The following MEIOSIN variants were observed in gnomAD, a reference collection of about 807,000 sequenced individuals.
MEIOSIN encodes the protein meiosis initiator protein.
Under a neutral mutation model 23.4 loss-of-function variants are expected in MEIOSIN, and 18 were observed. The observed-to-expected ratio is 0.77, with a 90% CI of 0.53 to 1.14. The LOEUF is 1.14. MEIOSIN is among the 50% of genes most tolerant of loss of function. The pLI, the probability that MEIOSIN is intolerant of heterozygous loss-of-function variation, is 0.00. For missense variants in MEIOSIN, 428 were observed against 242.9 expected (o/e 1.76, Z -5.07); for synonymous variants, 187 against 100.6 (o/e 1.86, Z -5.14).
At chr19:45,752,041 T>G (rs1461864778) in intron 5 of MEIOSIN, among the ~76,000 whole-genome samples, 2 of 146,306 alleles carry the variant, frequency 1.4e-5, no homozygotes, top group East Asian at 2.0e-4. Flanking sequence ...CCGTTTTTTT[T>G]TTTTTTTTTT....
At chr19:45,757,989 G>C (rs4802277) in intron 9 of MEIOSIN, among the ~76,000 whole-genome samples, 2 of 151,330 alleles carry the variant, frequency 1.3e-5, no homozygotes, top group African/African-American at 4.9e-5. Context: ...CCCTGCTCCC[G>C]ACCTCAGAAT....
At chr19:45,740,376 C>T (rs1968480665) in intron 3 of MEIOSIN, among the ~76,000 whole-genome samples, 1 of 152,184 alleles carries the variant, frequency 6.6e-6, no homozygotes, top group Non-Finnish European at 1.5e-5. Flanking sequence ...TATATATCAA[C>T]CTTTATGCCA....
chr19:45,760,920 G>C (rs1238255702), intron 11 of MEIOSIN, among the ~76,000 whole-genome samples: 1 of 132,798 alleles, frequency 7.5e-6, no homozygotes, highest in Non-Finnish European at 1.6e-5. Flanking sequence ...GTAAGACTCC[G>C]TCTCAAAAAA....
intron 11 of MEIOSIN, 30 bp from the exon 12 acceptor site, chr19:45,761,649 C>G: frequency 1.4e-6 from 1 of 695,322 alleles, no homozygotes; most frequent in East Asian, 2.7e-5. Context: ...CTTGTCTCCC[C>G]TCCCATCTTT....
At chr19:45,744,174 C>A (rs1968552292) in intron 3 of MEIOSIN, among the ~76,000 whole-genome samples, 1 of 151,458 alleles carries the variant, frequency 6.6e-6, no homozygotes, top group Non-Finnish European at 1.5e-5. Flanking sequence ...TTATAGGCAT[C>A]ATGTCCAGCT....
Position 45,761,928 on chromosome 19 carries a change from C to G in MEIOSIN, c.1435-11C>G, listed in dbSNP as rs1242084135. 8.3e-6 allele frequency: 5 copies of G among 602,036 alleles called. No individual in the cohort carries two copies. Among genetic ancestry groups the G allele is most frequent in the African/African-American group, 1.9e-5 (1 of 53,956 alleles). 37.3% of individuals were successfully genotyped at this position (602,036 alleles called of 1,614,324 possible). On this transcript the variant is annotated splice_polypyrimidine_tract_variant and intron_variant, in intron 12 of 14. Coordinates refer to ENST00000457052, the MANE Select transcript of MEIOSIN (RefSeq NM_001310124.2). Reference sequence around the variant, plus strand: ...CCTCCTTCCTCTCTCACCACCCTCTCCCTCCCCCAGGATATGCAGGCCAAC... The same window carrying G: ...CCTCCTTCCTCTCTCACCACCCTCTGCCTCCCCCAGGATATGCAGGCCAAC...
At chr19:45,759,820 A>T (rs1182314624) in intron 11 of MEIOSIN, among the ~76,000 whole-genome samples, 1 of 149,032 alleles carries the variant, frequency 6.7e-6, no homozygotes, top group Non-Finnish European at 1.5e-5. Flanking sequence ...TATTTTATTT[A>T]GACTGAGTTT....
At chr19:45,747,657 T>C (rs1968619148) in intron 4 of MEIOSIN, among the ~76,000 whole-genome samples, 1 of 152,200 alleles carries the variant, frequency 6.6e-6, no homozygotes, top group Admixed American at 6.6e-5. Context: ...AGATACATTT[T>C]TCTCATTTAA....
In MEIOSIN at chr19:45,745,173, A is replaced by G. The variant is rs2146180916; in HGVS notation, c.177-19A>G. ...CGTTTTGGATGTCCTAACCAAAACCAGCTCCTGTCCCCAAACAGGAATCAG... is the reference window on the plus strand; with the variant it reads ...CGTTTTGGATGTCCTAACCAAAACCGGCTCCTGTCCCCAAACAGGAATCAG... On this transcript the variant is annotated intron_variant, in intron 3 of 14. Coordinates refer to ENST00000457052, the MANE Select transcript of MEIOSIN (RefSeq NM_001310124.2). 1 of 702,406 alleles carries G rather than the reference A, an allele frequency of 1.4e-6. No individual in the cohort carries two copies. The highest frequency in any genetic ancestry group is 2.0e-5 in the Admixed American group (1 of 49,868). The allele number at this position is 702,406 out of a possible 1,614,324, so 43.5% of individuals were successfully genotyped here.
Position 45,739,747 on chromosome 19 carries a change from A to AT in MEIOSIN, c.176+17_176+18insT, listed in dbSNP as rs1568553468. ...AAAACTGAGGTACTGTTAACAGAAA[A>AT]GGGGGGATTGGATGTTGGCCAAGCA... On this transcript the variant is annotated intron_variant, in intron 3 of 14. Coordinates refer to ENST00000457052, the MANE Select transcript of MEIOSIN (RefSeq NM_001310124.2). 1.4e-6 allele frequency: 1 copy of AT among 703,476 alleles called. No individual in the cohort carries two copies. Among genetic ancestry groups the AT allele is most frequent in the East Asian group, 2.7e-5 (1 of 37,268 alleles). 43.6% of individuals were successfully genotyped at this position (703,476 alleles called of 1,614,324 possible). A position where few individuals can be genotyped will look rare whatever the true frequency, so the allele number is the denominator to read the frequency against.
chr19:45,757,249 T>G lies in MEIOSIN; in HGVS notation c.984T>G (p.Pro328=), dbSNP rs1336502907. Residue 328 remains proline (P), a synonymous_variant, in exon 9 of 15, where the codon CCT becomes CCG. Transcript: ENST00000457052. ...CCCTAGACGCTGACCCTTGGCTCCCTGCCTGGACCCCAGAGAACAGCCCCC... is the reference window on the plus strand; with the variant it reads ...CCCTAGACGCTGACCCTTGGCTCCCGGCCTGGACCCCAGAGAACAGCCCCC... The part of the protein sequence containing the change: ...KGSLDADPWL[P]AWTPENSPQG... 1.4e-5 allele frequency: 10 copies of G among 702,842 alleles called. No homozygotes were observed. In the Admixed American group the frequency reaches 2.0e-4, roughly 14 times the overall value. The allele number at this position is 702,842 out of a possible 1,614,324, so 43.5% of individuals were successfully genotyped here. A position where few individuals can be genotyped will look rare whatever the true frequency, so the allele number is the denominator to read the frequency against.
chr19:45,738,764 C>G (rs1020875424), intron 2 of MEIOSIN, among the ~76,000 whole-genome samples: 1 of 152,162 alleles, frequency 6.6e-6, no homozygotes, highest in African/African-American at 2.4e-5. Flanking sequence ...AAGACGAGGA[C>G]TGTGTGCTTT....
chr19:45,761,621 G>A (rs571995090), intron 11 of MEIOSIN, 58 bp from the exon 12 acceptor site: 2 of 679,866 alleles, frequency 2.9e-6, no homozygotes, highest in African/African-American at 3.5e-5. Flanking sequence ...GCAGTACTGG[G>A]GGGATGAAGG....
chr19:45,737,659 G>A (rs1968430093), intron 2 of MEIOSIN, among the ~76,000 whole-genome samples: 1 of 151,824 alleles, frequency 6.6e-6, no homozygotes, highest in South Asian at 2.1e-4. Context: ...TTGGCCAGGT[G>A]TGGTGGCTCA....
Position 45,754,673 on chromosome 19 carries a change from C to T in MEIOSIN, c.751C>T (p.Gln251Ter). 1.4e-6 allele frequency: 1 copy of T among 703,070 alleles called. No individual in the cohort carries two copies. Among genetic ancestry groups the T allele is most frequent in the Non-Finnish European group, 2.6e-6 (1 of 385,028 alleles). 43.6% of individuals were successfully genotyped at this position (703,070 alleles called of 1,614,324 possible). Reference sequence around the variant, plus strand: ...AGGTGACAGAAAAGGAGGACAGTCCCAGCTGACGCTGTTGGATCTGGCCGA... The same window carrying T: ...AGGTGACAGAAAAGGAGGACAGTCCTAGCTGACGCTGTTGGATCTGGCCGA... ...PPGDRKGGQS[Q>*]LTLLDLAEDT... The change falls in exon 7 of 15, where the codon CAG becomes TAG. Residue 251 changes from glutamine to a stop codon, truncating the protein, a stop_gained. Coordinates refer to ENST00000457052, the MANE Select transcript of MEIOSIN (RefSeq NM_001310124.2). LOFTEE classifies it high-confidence loss of function.
At chr19:45,756,317 A>G (rs1312319017) in intron 8 of MEIOSIN, among the ~76,000 whole-genome samples, 7 of 152,180 alleles carry the variant, frequency 4.6e-5, no homozygotes, top group Non-Finnish European at 8.8e-5. Context: ...CCTCCATCCC[A>G]TCCTCATGTG....
intron 4 of MEIOSIN, among the ~76,000 whole-genome samples, chr19:45,746,206 A>C (rs1442595706): frequency 1.3e-5 from 2 of 151,978 alleles, no homozygotes; most frequent in African/African-American, 4.8e-5. Flanking sequence ...ACCTCAAGTG[A>C]TCCTCCCACC....
chr19:45,752,852 C>T (rs1483246113), intron 5 of MEIOSIN, among the ~76,000 whole-genome samples: 1 of 151,950 alleles, frequency 6.6e-6, no homozygotes, highest in Non-Finnish European at 1.5e-5. Context: ...CAATGACTTG[C>T]CTGTCCCCAG....
At position 45,757,365 on chromosome 19, in the gene MEIOSIN, C is replaced by T. The variant is rs116894180; in HGVS notation, c.1012+88C>T. On this transcript the variant is annotated intron_variant, in intron 9 of 14. Transcript: ENST00000457052. Reference sequence around the variant, plus strand: ...GAGGATGTCTATGGAAGAGAGGAGGCGGGAAAGGGAATGGAGATCCCCTAA... The same window carrying T: ...GAGGATGTCTATGGAAGAGAGGAGGTGGGAAAGGGAATGGAGATCCCCTAA... 6.3e-4 allele frequency: 411 copies of T among 648,520 alleles called. 2 individuals are homozygous for T. In the East Asian group the frequency reaches 0.01, roughly 17 times the overall value. The allele number at this position is 648,520 out of a possible 1,614,324, so 40.2% of individuals were successfully genotyped here.
Sources: gnomAD v4.1 joint callset for allele counts (sites outside exome capture counted in the v4.1 genomes callset) on GRCh38, gnomAD v4.1.1 for gene constraint, MANE v1.5 for transcripts, NCBI Gene and HGNC (gene_info 2026-07-23, HGNC 2026-07-21) for gene names.